Variants in HPCAL1 observed in about 807,000 individuals in gnomAD.
HPCAL1 encodes the protein hippocalcin like 1.
In HPCAL1, 8 loss-of-function variants were observed where a neutral mutation model predicts 17.1. The ratio of observed to expected loss-of-function variants is 0.47; its 90% confidence interval spans 0.27 to 0.84. The LOEUF is 0.84. HPCAL1 is among the 40% of genes least tolerant of loss of function. The pLI is 0.13. For synonymous variants in HPCAL1, 112 were observed against 111.4 expected (o/e 1.01, Z -0.03); for missense variants, 165 against 271.1 (o/e 0.61, Z 2.75).
Position 10,367,677 on chromosome 2 carries a change from C to G in HPCAL1, c.-110-29158C>G, listed in dbSNP as rs922474109. ...CGAAAGTGCCAGAAAAGCCCTTGTC[C>G]CATATCACAGTCCCATGACCCACAC... is the stretch of plus-strand genomic sequence containing the variant. On this transcript the variant is annotated intron_variant, in intron 1 of 4. Transcript: ENST00000307845. This position sits in a 1 kb window ranked among gnomAD's most constrained non-coding sequence, Gnocchi z 4.4. Among the ~76,000 whole-genome samples the G allele has an allele frequency of 6.6e-6, 1 of 152,130 alleles. No homozygotes were observed. The highest frequency in any genetic ancestry group is 1.5e-5 in the Non-Finnish European group (1 of 68,014).
At chr2:10,326,847 G>A (rs139302062) in intron 1 of HPCAL1, among the ~76,000 whole-genome samples, 143 of 152,248 alleles carry the variant, frequency 9.4e-4, no homozygotes, top group Non-Finnish European at 1.7e-3. Flanking sequence ...CGAGGCTCCC[G>A]TTTGGCAGCT....
At chr2:10,303,477 C>T (rs562715005) in intron 1 of HPCAL1, among the ~76,000 whole-genome samples, 1 of 152,106 alleles carries the variant, frequency 6.6e-6, no homozygotes, top group Non-Finnish European at 1.5e-5. Flanking sequence ...GGAGCGGTGC[C>T]TGGCGGGTGT....
intron 1 of HPCAL1, among the ~76,000 whole-genome samples, chr2:10,314,025 G>A (rs1663146922): frequency 6.6e-6 from 1 of 152,028 alleles, no homozygotes; most frequent in East Asian, 1.9e-4. Flanking sequence ...CAGCTACTCG[G>A]GAGGCTGAGG....
intron 1 of HPCAL1, among the ~76,000 whole-genome samples, chr2:10,314,314 A>G (rs1663167246): frequency 6.6e-6 from 1 of 151,992 alleles, no homozygotes; most frequent in Non-Finnish European, 1.5e-5. Flanking sequence ...TGGCAGGAAG[A>G]TATTAAGGTT....
chr2:10,407,854 G>A (rs951353450), intron 2 of HPCAL1, among the ~76,000 whole-genome samples: 58 of 152,188 alleles, frequency 3.8e-4, no homozygotes, highest in African/African-American at 1.4e-3. Context: ...GTCTAATGAA[G>A]GAAAAAGACA....
chr2:10,331,974 T>G lies in HPCAL1; in HGVS notation c.-111+28797T>G, dbSNP rs1477800265. On this transcript the variant is annotated intron_variant, in intron 1 of 4. Coordinates refer to ENST00000307845, the MANE Select transcript of HPCAL1 (RefSeq NM_002149.4). This position sits in a 1 kb window ranked among gnomAD's most constrained non-coding sequence, Gnocchi z 5.0. ...TTGTTGCTTCACAGGGAGCACTCCT[T>G]GTCACCTATTGTCATTTATGAGCCC... 7.9e-6 allele frequency among the ~76,000 whole-genome samples: 1 copy of G among 125,994 alleles called. No individual in the cohort carries two copies. The highest frequency in any genetic ancestry group is 7.4e-5 in the Admixed American group (1 of 13,512). The allele number at this position is 125,994 out of a possible 152,430, so 82.7% of individuals were successfully genotyped here.
rs148263866 is a variant in HPCAL1, at chr2:10,367,764, G to T, written c.-110-29071G>T. On this transcript the variant is annotated intron_variant, in intron 1 of 4. Coordinates refer to ENST00000307845, the MANE Select transcript of HPCAL1 (RefSeq NM_002149.4). The surrounding 1 kb of genome is among the most constrained non-coding windows in gnomAD (Gnocchi z 4.4). ...CCCTGTGCTGGAGTGGAGGGTGACA[G>T]AGCTTCGGACATGAGCAGCCTCTGC... 7.9e-5 allele frequency among the ~76,000 whole-genome samples: 12 copies of T among 152,274 alleles called. No individual in the cohort carries two copies. The highest frequency in any genetic ancestry group is 2.9e-4 in the African/African-American group (12 of 41,542).
chr2:10,410,436 C>CATTTTT (rs1553360283), intron 2 of HPCAL1, among the ~76,000 whole-genome samples: 1 of 77,496 alleles, frequency 1.3e-5, no homozygotes. Context: ...TCTTCTTCTT[C>CATTTTT]TTTTTTTTTT....
chr2:10,305,451 G>A (rs1393745683), intron 1 of HPCAL1, among the ~76,000 whole-genome samples: 1 of 152,208 alleles, frequency 6.6e-6, no homozygotes, highest in South Asian at 2.1e-4. Flanking sequence ...AAGGCCCGGG[G>A]GCCCTGCCTC....
chr2:10,366,929 T>C (rs925993796), intron 1 of HPCAL1, among the ~76,000 whole-genome samples: 12 of 152,074 alleles, frequency 7.9e-5, no homozygotes, highest in Non-Finnish European at 1.5e-4. Context: ...GAGGAGGCTG[T>C]GTAGGCCCAG....
At chr2:10,383,329 G>A (rs1266652095) in intron 1 of HPCAL1, among the ~76,000 whole-genome samples, 5 of 151,652 alleles carry the variant, frequency 3.3e-5, no homozygotes, top group African/African-American at 9.7e-5. Context: ...CCAAGATCGC[G>A]CCACTGTGCT....
intron 2 of HPCAL1, among the ~76,000 whole-genome samples, chr2:10,400,359 T>C (rs915372910): frequency 1.3e-5 from 2 of 152,238 alleles, no homozygotes; most frequent in African/African-American, 4.8e-5. Context: ...CCTCCCAGGC[T>C]TAAGAGATCA....
intron 1 of HPCAL1, among the ~76,000 whole-genome samples, chr2:10,379,153 C>T (rs1395063530): frequency 6.6e-6 from 1 of 151,916 alleles, no homozygotes. Flanking sequence ...CATGGTGAAA[C>T]CCCCATCTCT....
At chr2:10,399,235 CCACCAT>C (rs759379823) in intron 2 of HPCAL1, among the ~76,000 whole-genome samples, 4,779 of 81,852 alleles carry the variant, frequency 0.058, 401 homozygotes, top group Non-Finnish European at 0.086. Context: ...ACCACCACCA[CCACCAT>C]CACCACCACC....
At chr2:10,315,879 C>T (rs768080752) in intron 1 of HPCAL1, among the ~76,000 whole-genome samples, 38 of 152,148 alleles carry the variant, frequency 2.5e-4, no homozygotes, top group Non-Finnish European at 3.8e-4. Flanking sequence ...TGGTGGCTCA[C>T]GCCTGTAGTG....
chr2:10,426,498 A>G, intron 4 of HPCAL1: 1 of 531,878 alleles, frequency 1.9e-6, no homozygotes, highest in Non-Finnish European at 3.4e-6. Context: ...CTTGCTGGGT[A>G]AGCCCTTTGA....
chr2:10,326,618 G>T (rs1321905755), intron 1 of HPCAL1, among the ~76,000 whole-genome samples: 2 of 152,208 alleles, frequency 1.3e-5, no homozygotes, highest in Non-Finnish European at 2.9e-5. Context: ...GGTTAAGGTG[G>T]GAATCAAAGG....
At chr2:10,305,116 A>T (rs1295745877) in intron 1 of HPCAL1, among the ~76,000 whole-genome samples, 2 of 152,114 alleles carry the variant, frequency 1.3e-5, no homozygotes, top group Non-Finnish European at 2.9e-5. Flanking sequence ...TGACAGGGGC[A>T]CACTTAGAAT....
chr2:10,371,108 G>T (rs1298691873), intron 1 of HPCAL1, among the ~76,000 whole-genome samples: 1 of 152,214 alleles, frequency 6.6e-6, no homozygotes. Context: ...TGTTACCAGG[G>T]CCTGGAGCAG....
Sources: gnomAD v4.1 joint callset for allele counts (sites outside exome capture counted in the v4.1 genomes callset) on GRCh38, gnomAD v4.1.1 for gene constraint, Gnocchi (gnomAD v3.1) non-coding constraint, MANE v1.5 for transcripts, NCBI Gene and HGNC (gene_info 2026-07-23, HGNC 2026-07-21) for gene names.